The following PCDHGA5 variants were observed in gnomAD, a reference collection of about 807,000 sequenced individuals.
PCDHGA5 encodes the protein protocadherin gamma subfamily A, 5, also known as protocadherin gamma-A5.
A neutral mutation model predicts 56.7 loss-of-function variants in PCDHGA5; 36 were observed. The ratio of observed to expected loss-of-function variants is 0.64; its 90% confidence interval spans 0.49 to 0.84. The LOEUF (loss-of-function observed/expected upper bound fraction) is 0.84, where lower values mean the gene tolerates loss of function less well. PCDHGA5 is among the 40% of genes least tolerant of loss of function. PCDHGA5 has a pLI of 0.00. For synonymous variants in PCDHGA5, 563 were observed against 520.2 expected (o/e 1.08, Z -1.12); for missense variants, 1,305 against 1,201.5 (o/e 1.09, Z -1.27).
chr5:141,438,682 A>G (rs1282726848), intron 1 of PCDHGA5, among the ~76,000 whole-genome samples: 13 of 140,730 alleles, frequency 9.2e-5, no homozygotes, highest in Admixed American at 6.6e-4. Flanking sequence ...GGAGTAGGGG[A>G]TGGAGTCTTG....
rs73794918 is a variant in PCDHGA5, at chr5:141,443,711, A to G, written c.2422-51096A>G. On this transcript the variant is annotated intron_variant, in intron 1 of 3. Coordinates refer to ENST00000518069, the MANE Select transcript of PCDHGA5 (RefSeq NM_018918.3). ...TCAAAAATTATAGAATAACATTTGC[A>G]TATAAAATTCCTCATACATTTCCCT... 9.8e-3 allele frequency among the ~76,000 whole-genome samples: 1,497 copies of G among 152,340 alleles called. 25 individuals are homozygous for G. Among genetic ancestry groups the G allele is most frequent in the African/African-American group, 0.033 (1,382 of 41,580 alleles).
intron 1 of PCDHGA5, chr5:141,422,819 TGA>T (rs766395950): frequency 1.9e-5 from 31 of 1,614,068 alleles, no homozygotes; most frequent in Middle Eastern, 1.6e-4. Flanking sequence ...GACTTAGAAC[TGA>T]GAGTGATAGC....
Position 141,505,474 on chromosome 5 carries a change from C to T in PCDHGA5, c.2562C>T (p.Ser854=), listed in dbSNP as rs751690779. The stretch of plus-strand genomic sequence containing the variant: ...TGCTGCAAGCCATGATCTTGGCGTC[C>T]GCCAGTGGTAAGTGGTGTCAGTGTG... ...TEMLQAMILA[S]ASEAADGSST... Residue 854 remains serine, a synonymous_variant, in exon 3 of 4, where the codon TCC becomes TCT. Transcript: ENST00000518069. 2.2e-5 allele frequency: 36 copies of T among 1,614,090 alleles called. No individual in the cohort carries two copies. The highest frequency in any genetic ancestry group is 5.3e-5 in the African/African-American group (4 of 74,934).
At chr5:141,384,360 C>A in intron 1 of PCDHGA5, 1 of 1,613,902 alleles carries the variant, frequency 6.2e-7, no homozygotes, top group Non-Finnish European at 8.5e-7. Context: ...ATGCCCAGAT[C>A]ACTTATTCCT....
At position 141,476,326 on chromosome 5, in the gene PCDHGA5, T is replaced by A. The variant is rs752845438; in HGVS notation, c.2422-18481T>A. Reference sequence around the variant, plus strand: ...CAGCCCGCAGGTTCCGGGTGGTGTCTGGAGCTAGCCGAAGATTCTTTGAGG... The same window carrying A: ...CAGCCCGCAGGTTCCGGGTGGTGTCAGGAGCTAGCCGAAGATTCTTTGAGG... On this transcript the variant is annotated intron_variant, in intron 1 of 3. Coordinates refer to ENST00000518069, the MANE Select transcript of PCDHGA5 (RefSeq NM_018918.3). This position sits in a 1 kb window ranked among gnomAD's most constrained non-coding sequence, Gnocchi z 7.6. The A allele has an allele frequency of 6.2e-7, 1 of 1,614,120 alleles. No individual in the cohort carries two copies. Among genetic ancestry groups the A allele is most frequent in the Non-Finnish European group, 8.5e-7 (1 of 1,180,034 alleles).
chr5:141,382,838 A>C (rs1040102322), intron 1 of PCDHGA5: 1 of 1,445,878 alleles, frequency 6.9e-7, no homozygotes, highest in Non-Finnish European at 9.3e-7. Flanking sequence ...GTCCACCCGG[A>C]TACACCCGCA....
chr5:141,428,115 G>A (rs753384738), intron 1 of PCDHGA5: 2 of 1,607,178 alleles, frequency 1.2e-6, no homozygotes, highest in Non-Finnish European at 8.5e-7. Flanking sequence ...GCAGGCCATC[G>A]AGCCCGGGCT....
At chr5:141,393,542 T>A in intron 1 of PCDHGA5, 3 of 1,613,964 alleles carry the variant, frequency 1.9e-6, no homozygotes, top group Non-Finnish European at 2.5e-6. Flanking sequence ...CGGTTTTTCC[T>A]CACCCGATTT....
intron 1 of PCDHGA5, among the ~76,000 whole-genome samples, chr5:141,446,448 T>C (rs954515926): frequency 2.6e-5 from 4 of 152,028 alleles, no homozygotes; most frequent in Non-Finnish European, 5.9e-5. Context: ...ACAGTGCAGA[T>C]ATTCAGTGTG....
chr5:141,381,582 C>T (rs1777289375), intron 1 of PCDHGA5, among the ~76,000 whole-genome samples: 1 of 152,154 alleles, frequency 6.6e-6, no homozygotes, highest in African/African-American at 2.4e-5. Flanking sequence ...TCAGCCAATC[C>T]ATTATCCAGT....
intron 1 of PCDHGA5, chr5:141,393,996 G>C (rs1379037065): frequency 3.1e-6 from 5 of 1,613,290 alleles, no homozygotes; most frequent in East Asian, 2.2e-5. Flanking sequence ...TTTTAAATTA[G>C]AAAAGTCAAT....
chr5:141,413,835 CG>C, intron 1 of PCDHGA5: 2 of 1,613,258 alleles, frequency 1.2e-6, no homozygotes, highest in South Asian at 1.1e-5. Context: ...CCGCCTCCGA[CG>C]GGGGTGACCC....
chr5:141,510,633 TACCA>T (rs2099882032), intron 3 of PCDHGA5, among the ~76,000 whole-genome samples: 1 of 152,110 alleles, frequency 6.6e-6, no homozygotes, highest in Admixed American at 6.6e-5. Flanking sequence ...AAGAGGTGGT[TACCA>T]TTATCATCCC....
chr5:141,392,841 C>A (rs1464167244), intron 1 of PCDHGA5: 2 of 1,608,680 alleles, frequency 1.2e-6, no homozygotes, highest in Non-Finnish European at 1.7e-6. Flanking sequence ...TCGCCCCAGA[C>A]GCGGCGAGCT....
At chr5:141,421,633 G>A (rs1369645749) in intron 1 of PCDHGA5, 3 of 1,613,834 alleles carry the variant, frequency 1.9e-6, no homozygotes, top group Non-Finnish European at 2.5e-6. Context: ...CAGCTTCCAG[G>A]AGGACGAAGT....
At chr5:141,404,521 G>A in intron 1 of PCDHGA5, 2 of 1,613,976 alleles carry the variant, frequency 1.2e-6, no homozygotes, top group Non-Finnish European at 1.7e-6. Flanking sequence ...TTGACTATGA[G>A]CAGTTTAGAG....
At chr5:141,422,723 G>T in intron 1 of PCDHGA5, 1 of 1,605,958 alleles carries the variant, frequency 6.2e-7, no homozygotes, top group South Asian at 1.1e-5. Flanking sequence ...ACTGTCCAGG[G>T]GGTGCCTCTG....
intron 1 of PCDHGA5, chr5:141,399,529 G>A (rs946281582): frequency 3.1e-6 from 5 of 1,613,892 alleles, no homozygotes; most frequent in Non-Finnish European, 4.2e-6. Flanking sequence ...GGCCTCCATC[G>A]CGCAAGTCTG....
intron 1 of PCDHGA5, chr5:141,404,736 A>T: frequency 6.2e-7 from 1 of 1,613,622 alleles, no homozygotes. Context: ...GTGGCAGTGG[A>T]CAGAGACTCA....
Sources: allele counts gnomAD v4.1 joint callset (sites outside exome capture counted in the v4.1 genomes callset), GRCh38; gene constraint gnomAD v4.1.1; non-coding constraint Gnocchi (gnomAD v3.1); transcripts MANE v1.5; gene names NCBI Gene and HGNC (gene_info 2026-07-23, HGNC 2026-07-21).